RRP1: variants seen among roughly 807,000 people sequenced by gnomAD.
RRP1 encodes the protein ribosomal RNA processing protein 1 homolog A.
RRP1 carries 37 observed loss-of-function variants against 54.6 expected under a neutral mutation model. That is an observed-to-expected ratio of 0.68 (90% CI 0.52 to 0.89). RRP1 has a LOEUF of 0.89. RRP1 is among the 40% of genes least tolerant of loss of function. RRP1 has a pLI of 0.00. For missense variants in RRP1, 639 were observed against 612.5 expected (o/e 1.04, Z -0.46); for synonymous variants, 262 against 244.3 (o/e 1.07, Z -0.67).
intron 2 of RRP1, among the ~76,000 whole-genome samples, chr21:43,792,035 C>T (rs1195555729): frequency 6.6e-6 from 1 of 152,176 alleles, no homozygotes; most frequent in Non-Finnish European, 1.5e-5. Context: ...AACCACGGGG[C>T]GGAATTCAAG....
intron 4 of RRP1, 102 bp from the exon 5 acceptor site, chr21:43,795,087 G>C (rs771581767): frequency 7.9e-6 from 9 of 1,138,632 alleles, no homozygotes; most frequent in Non-Finnish European, 1.1e-5. Context: ...AGGTCACCAC[G>C]GCCATGACTT....
chr21:43,799,680 C>G, intron 9 of RRP1, 31 bp downstream of exon 9: 2 of 1,579,146 alleles, frequency 1.3e-6, no homozygotes, highest in East Asian at 2.3e-5. Context: ...GCTGTGCCCT[C>G]AGCCTTTGCC....
At chr21:43,797,754 G>A in intron 7 of RRP1, 59 bp downstream of exon 7, 1 of 1,597,110 alleles carries the variant, frequency 6.3e-7, no homozygotes, top group Non-Finnish European at 8.6e-7. Flanking sequence ...CCATGGGGCT[G>A]CTGTTGTGGG....
rs759280639 is a variant in RRP1 at position 43,800,859 on chromosome 21, C to T, written c.990-3C>T. On this transcript the variant is annotated splice_region_variant and splice_polypyrimidine_tract_variant and intron_variant, in intron 10 of 12. Transcript: ENST00000497547. ...TAAGTGGGTATCTGTCTTACTCTTT[C>T]AGGCTGCAGGACCTGGCAGGAGGTG... 28 of 1,613,548 alleles carry T rather than the reference C, an allele frequency of 1.7e-5. No homozygotes were observed. Among genetic ancestry groups the T allele is most frequent in the Non-Finnish European group, 3.4e-6 (4 of 1,180,038 alleles).
At chr21:43,798,674 A>AC (rs1007875716) in intron 8 of RRP1, among the ~76,000 whole-genome samples, 2 of 151,130 alleles carry the variant, frequency 1.3e-5, no homozygotes, top group Admixed American at 1.3e-4. Flanking sequence ...AGGTGTACTC[A>AC]CCTGCCCCTC....
At chr21:43,796,635 T>A (rs533791424) in intron 5 of RRP1, among the ~76,000 whole-genome samples, 1 of 152,334 alleles carries the variant, frequency 6.6e-6, no homozygotes, top group South Asian at 2.1e-4. Flanking sequence ...CCTCTTGGTC[T>A]CAGCACCTGT....
At chr21:43,803,354 C>T (rs1272682004) in intron 12 of RRP1, among the ~76,000 whole-genome samples, 158 bp from the exon 13 acceptor site, 1 of 152,174 alleles carries the variant, frequency 6.6e-6, no homozygotes, top group African/African-American at 2.4e-5. Flanking sequence ...GTGGATGGAG[C>T]TTGGCGCCCA....
At chr21:43,799,774 CA>C (rs113421246) in intron 9 of RRP1, 125 bp downstream of exon 9, 1 of 889,664 alleles carries the variant, frequency 1.1e-6, no homozygotes, top group South Asian at 1.5e-5. Context: ...GTTACCCGGA[CA>C]GGGGTTAGCT....
In RRP1 at chr21:43,799,579, G is replaced by T; in HGVS notation, c.821G>T (p.Cys274Phe). 6.2e-7 allele frequency: 1 copy of T among 1,611,946 alleles called. No homozygotes were observed. Among genetic ancestry groups the T allele is most frequent in the South Asian group, 1.1e-5 (1 of 90,378 alleles). ...RSEKPPAGSI[C>F]RAEPEAGEEQ... is the part of the protein sequence containing the mutation. ...GTCCCTTTTGTTCCAGGCTCCATCT[G>T]CAGGGCTGAACCTGAGGCTGGTGAG... The change falls in exon 9 of 13, where the codon TGC becomes TTC. Residue 274 changes from cysteine (C) to phenylalanine (F), a missense_variant. Physicochemically the swap from Cys to Phe is radical, Grantham distance 205 (BLOSUM62 -2). Coordinates refer to ENST00000497547, the MANE Select transcript of RRP1 (RefSeq NM_003683.6).
At chr21:43,789,850 C>T in intron 1 of RRP1, 88 bp downstream of exon 1, 1 of 1,376,528 alleles carries the variant, frequency 7.3e-7, no homozygotes, top group Non-Finnish European at 9.4e-7. Context: ...GGGGGCCCTC[C>T]GAGCCCTGTG....
intron 4 of RRP1, 150 bp downstream of exon 4, chr21:43,793,554 G>A: frequency 7.8e-6 from 5 of 638,074 alleles, no homozygotes; most frequent in South Asian, 7.3e-5. Flanking sequence ...ACTCTGGGCG[G>A]TCCCTGACCA....
chr21:43,793,621 C>G (rs1191758807), intron 4 of RRP1, among the ~76,000 whole-genome samples: 1 of 152,176 alleles, frequency 6.6e-6, no homozygotes, highest in East Asian at 1.9e-4. Flanking sequence ...GGAATTCGAC[C>G]CTTAAAACAC....
chr21:43,791,991 G>C (rs1239366014), intron 2 of RRP1, among the ~76,000 whole-genome samples: 1 of 152,206 alleles, frequency 6.6e-6, no homozygotes, highest in Non-Finnish European at 1.5e-5. Flanking sequence ...TTTTGTGTTT[G>C]TCCTGGGTTG....
At position 43,803,596 on chromosome 21, in the gene RRP1, G is replaced by A. The variant is rs371352025; in HGVS notation, c.1208G>A (p.Arg403Gln). The change falls in exon 13 of 13, where the codon CGG becomes CAG. Residue 403 changes from arginine to glutamine, a missense_variant. Arg to Gln is a conservative substitution (Grantham distance 43). Transcript: ENST00000497547. Reference protein sequence around the residue: ...RRGVGADPEARAEAGEQPGTA... With the variant: ...RRGVGADPEAQAEAGEQPGTA... ...GGTGTAGGGGCCGACCCCGAGGCGC[G>A]GGCAGAGGCTGGTGAGCAGCCAGGC... is the stretch of plus-strand genomic sequence containing the variant. 15 of 1,552,094 alleles carry A rather than the reference G, an allele frequency of 9.7e-6. No individual in the cohort carries two copies. The highest frequency in any genetic ancestry group is 5.5e-5 in the African/African-American group (4 of 73,160).
intron 3 of RRP1, 162 bp from the exon 4 acceptor site, chr21:43,793,157 C>A: frequency 1.5e-6 from 1 of 660,568 alleles, no homozygotes; most frequent in Non-Finnish European, 2.6e-6. Flanking sequence ...TCCTCATGTC[C>A]AGATCCTGGT....
At chr21:43,797,749 GGGC>G (rs1321661728) in intron 7 of RRP1, 54 bp downstream of exon 7, 16 of 1,602,294 alleles carry the variant, frequency 1.0e-5, no homozygotes, top group Non-Finnish European at 1.1e-5. Flanking sequence ...TTCTTCCATG[GGGC>G]TGCTGTTGTG....
At chr21:43,796,142 T>G (rs948817548) in intron 5 of RRP1, among the ~76,000 whole-genome samples, 5 of 152,050 alleles carry the variant, frequency 3.3e-5, no homozygotes, top group African/African-American at 7.2e-5. Context: ...TTTGTTTTTT[T>G]TTTTTAAAGA....
rs962405951 is a variant in RRP1, at chr21:43,802,239, C to T, written c.1010-35C>T. The T allele has an allele frequency of 2.6e-6, 4 of 1,521,838 alleles. No homozygotes were observed. The African/African-American group carries it at 5.5e-5, about 21-fold the overall frequency. 94.3% of individuals were successfully genotyped at this position (1,521,838 alleles called of 1,614,324 possible). A position where few individuals can be genotyped will look rare whatever the true frequency, so the allele number is the denominator to read the frequency against. On this transcript the variant is annotated intron_variant, in intron 11 of 12. Transcript: ENST00000497547. Reference sequence around the variant, plus strand: ...AGCCTCAAACCATAAGTCCCCAGCCCCCGAGAGCCCCCTGACTTCTGCCCT... The same window carrying T: ...AGCCTCAAACCATAAGTCCCCAGCCTCCGAGAGCCCCCTGACTTCTGCCCT...
chr21:43,800,835 A>G (rs2085081935), intron 10 of RRP1, 27 bp from the exon 11 acceptor site: 7 of 1,613,146 alleles, frequency 4.3e-6, no homozygotes, highest in Non-Finnish European at 5.9e-6. Flanking sequence ...CAGCTGTGGT[A>G]AGTGGGTATC....
Sources: gnomAD v4.1 joint callset for allele counts (sites outside exome capture counted in the v4.1 genomes callset) on GRCh38, gnomAD v4.1.1 for gene constraint, MANE v1.5 for transcripts, NCBI Gene and HGNC (gene_info 2026-07-23, HGNC 2026-07-21) for gene names.